The following RAPGEF4 variants were observed in gnomAD, a reference collection of about 807,000 sequenced individuals.
RAPGEF4 encodes Rap guanine nucleotide exchange factor 4, also known as RAP guanine-nucleotide-exchange factor (GEF) 4.
Under a neutral mutation model 147.9 loss-of-function variants are expected in RAPGEF4, and 66 were observed. The observed-to-expected ratio is 0.45, with a 90% confidence interval of 0.37 to 0.55. The LOEUF is 0.55. Among genes scored for constraint, RAPGEF4 ranks in the 20% least tolerant of loss-of-function variants. The probability of loss-of-function intolerance (pLI) is 0.00; values close to 1 mark genes in which losing one functional copy is unlikely to be tolerated. For missense variants in RAPGEF4, 1,071 were observed against 1,257.3 expected, an observed-to-expected ratio of 0.85 and a Z score of 2.24; for synonymous variants, 419 against 442.7, an observed-to-expected ratio of 0.95 and a Z score of 0.67.
At chr2:172,852,806 G>C (rs1466491022) in intron 4 of RAPGEF4, among the ~76,000 whole-genome samples, 1 of 151,890 alleles carries the variant, frequency 6.6e-6, no homozygotes, top group East Asian at 1.9e-4. Context: ...AATTTGATGA[G>C]AGTTTTTTTA....
At chr2:172,768,668 G>A (rs1258081090) in intron 1 of RAPGEF4, among the ~76,000 whole-genome samples, 1 of 152,176 alleles carries the variant, frequency 6.6e-6, no homozygotes, top group African/African-American at 2.4e-5. Context: ...GCACCATGGT[G>A]CTGATTCTGG....
chr2:172,983,666 G>A, intron 11 of RAPGEF4, 86 bp downstream of exon 11: 1 of 1,523,704 alleles, frequency 6.6e-7, no homozygotes, highest in Non-Finnish European at 8.8e-7. Flanking sequence ...GGTGTTGTGG[G>A]GGGAAAGAAT....
intron 6 of RAPGEF4, among the ~76,000 whole-genome samples, chr2:172,938,281 C>T (rs1182784291): frequency 6.6e-6 from 1 of 151,914 alleles, no homozygotes; most frequent in Non-Finnish European, 1.5e-5. Flanking sequence ...CTAAGCATGA[C>T]TTCATACTGA....
chr2:172,900,452 G>T (rs930114359), intron 4 of RAPGEF4, among the ~76,000 whole-genome samples: 13 of 152,098 alleles, frequency 8.5e-5, no homozygotes, highest in Non-Finnish European at 1.9e-4. Flanking sequence ...TTGTCCAGGT[G>T]GGTCTCGAAC....
At chr2:173,020,924 A>G (rs1260355044) in intron 23 of RAPGEF4, among the ~76,000 whole-genome samples, 1 of 152,228 alleles carries the variant, frequency 6.6e-6, no homozygotes, top group Admixed American at 6.5e-5. Context: ...GCCAAGTAGC[A>G]CCACTATTAG....
chr2:172,806,199 A>G (rs748978362), intron 3 of RAPGEF4, among the ~76,000 whole-genome samples: 1 of 152,154 alleles, frequency 6.6e-6, no homozygotes, highest in African/African-American at 2.4e-5. Flanking sequence ...TTACCTCTCA[A>G]AAAGTAAAAA....
At chr2:172,902,067 A>G (rs1294094235) in intron 4 of RAPGEF4, among the ~76,000 whole-genome samples, 1 of 152,172 alleles carries the variant, frequency 6.6e-6, no homozygotes, top group Non-Finnish European at 1.5e-5. Flanking sequence ...TGGCAAGGGC[A>G]AGTGGCAGAA....
At chr2:172,767,975 T>C (rs1488581538) in intron 1 of RAPGEF4, among the ~76,000 whole-genome samples, 13 of 151,898 alleles carry the variant, frequency 8.6e-5, no homozygotes, top group Non-Finnish European at 2.9e-5. Flanking sequence ...CGTGCCCAGC[T>C]CATTTTTTTT....
intron 4 of RAPGEF4, among the ~76,000 whole-genome samples, chr2:172,890,114 G>A (rs951178402): frequency 5.3e-5 from 8 of 152,242 alleles, no homozygotes; most frequent in Non-Finnish European, 1.0e-4. Context: ...GGTCCAATGT[G>A]AACCGAAAAT....
chr2:172,969,746 A>C (rs1337404166), intron 10 of RAPGEF4, among the ~76,000 whole-genome samples: 1 of 152,212 alleles, frequency 6.6e-6, no homozygotes, highest in East Asian at 1.9e-4. Context: ...AGGAACATTC[A>C]TGCTAATTGT....
intron 25 of RAPGEF4, 125 bp downstream of exon 25, chr2:173,027,384 CT>C: frequency 1.4e-6 from 1 of 699,532 alleles, no homozygotes; most frequent in Non-Finnish European, 2.2e-6. Context: ...AACACAGGGT[CT>C]TAGGAATAAC....
chr2:172,948,325 A>T (rs373088564), intron 6 of RAPGEF4, among the ~76,000 whole-genome samples: 23 of 152,360 alleles, frequency 1.5e-4, no homozygotes, highest in African/African-American at 5.5e-4. Context: ...ATGGACTTCC[A>T]GAAGTCCATT....
chr2:172,937,425 G>A (rs182645253), intron 6 of RAPGEF4, among the ~76,000 whole-genome samples: 1 of 152,266 alleles, frequency 6.6e-6, no homozygotes, highest in East Asian at 1.9e-4. Flanking sequence ...GTATTTGGTA[G>A]AATGTCCCTC....
At chr2:172,864,396 T>C (rs1412968152) in intron 4 of RAPGEF4, among the ~76,000 whole-genome samples, 1 of 152,202 alleles carries the variant, frequency 6.6e-6, no homozygotes, top group African/African-American at 2.4e-5. Context: ...GCTCCCTGGA[T>C]CAGCCACCAG....
chr2:172,765,786 G>A (rs1018138182), intron 1 of RAPGEF4, among the ~76,000 whole-genome samples: 1 of 152,212 alleles, frequency 6.6e-6, no homozygotes, highest in African/African-American at 2.4e-5. Flanking sequence ...CCCTCTCATC[G>A]GTCTGGCTGC....
chr2:172,904,470 C>T (rs147690797), intron 4 of RAPGEF4, among the ~76,000 whole-genome samples: 177 of 152,304 alleles, frequency 1.2e-3, no homozygotes, highest in Middle Eastern at 0.01. Context: ...GTCTTGCTCT[C>T]AACTTGAGCT....
chr2:173,030,136 A>T (rs1697046329), intron 25 of RAPGEF4, 28 bp from the exon 26 acceptor site: 1 of 1,473,894 alleles, frequency 6.8e-7, no homozygotes, highest in Non-Finnish European at 9.5e-7. Flanking sequence ...GTAACATTTT[A>T]CTCAAACACG....
chr2:172,862,623 T>C (rs1360996971), intron 4 of RAPGEF4, among the ~76,000 whole-genome samples: 2 of 152,222 alleles, frequency 1.3e-5, no homozygotes, highest in Non-Finnish European at 2.9e-5. Flanking sequence ...GTTCCTTGAC[T>C]TTAAAGGTAT....
chr2:172,791,416 G>C (rs10206140), intron 1 of RAPGEF4, among the ~76,000 whole-genome samples: 41,120 of 152,052 alleles, frequency 0.27, 5,974 homozygotes, highest in East Asian at 0.46. Flanking sequence ...CGATAAAGGA[G>C]GTCCCAGACA....
Sources: allele counts gnomAD v4.1 joint callset (sites outside exome capture counted in the v4.1 genomes callset), GRCh38; gene constraint gnomAD v4.1.1; transcripts MANE v1.5; gene names NCBI Gene and HGNC (gene_info 2026-07-23, HGNC 2026-07-21).